The following TFR2 variants were observed in gnomAD, a reference collection of about 807,000 sequenced individuals.
TFR2 encodes transferrin receptor 2, also known as transferrin receptor protein 2.
TFR2 carries 64 observed loss-of-function variants against 91.9 expected under a neutral mutation model. The observed-to-expected ratio is 0.70, with a 90% CI of 0.57 to 0.86. TFR2 has a LOEUF of 0.86. TFR2 is among the 40% of genes least tolerant of loss of function. The pLI is 0.00. For synonymous variants in TFR2, 454 were observed against 459.6 expected (o/e 0.99, Z 0.15); for missense variants, 950 against 1,080.5 (o/e 0.88, Z 1.69).
chr7:100,636,170 C>CTTTTTTT (rs10584926), intron 3 of TFR2, among the ~76,000 whole-genome samples: 2 of 85,732 alleles, frequency 2.3e-5, no homozygotes, highest in Non-Finnish European at 4.3e-5. Context: ...CACCCTGCAT[C>CTTTTTTT]TTTTTTTTTT....
intron 10 of TFR2, among the ~76,000 whole-genome samples, chr7:100,628,600 C>T (rs1803335276): frequency 6.6e-6 from 1 of 151,932 alleles, no homozygotes; most frequent in Non-Finnish European, 1.5e-5. Context: ...TGCAGTCTCC[C>T]TATGTTGCCC....
Position 100,627,912 on chromosome 7 carries a change from T to G in TFR2, c.1600A>C (p.Lys534Gln), listed in dbSNP as rs1319743124. ...LLTSLIESVL[K>Q]QVDSPNHSGQ... ...TATTCCTGGGGTGCTCTTGCCTGCT[T>G]CAGGACACTCTCAATGAGACTTGTC... The change falls in exon 13 of 18, where the codon AAG (lysine) becomes CAG (glutamine). Residue 534 changes from lysine to glutamine, a missense_variant. Physicochemically the swap from Lys to Gln is moderately conservative, Grantham distance 53. Coordinates refer to ENST00000223051, the MANE Select transcript of TFR2 (RefSeq NM_003227.4). 3 of 1,613,954 alleles carry G rather than the reference T, an allele frequency of 1.9e-6. No homozygotes were observed. The highest frequency in any genetic ancestry group is 2.5e-6 in the Non-Finnish European group (3 of 1,179,994).
chr7:100,632,032 G>A, intron 7 of TFR2, 50 bp downstream of exon 7: 8 of 1,614,050 alleles, frequency 5.0e-6, no homozygotes, highest in Non-Finnish European at 6.8e-6. Context: ...TGAGCAAGAA[G>A]GTGTGGCCTC....
chr7:100,628,214 C>T lies in TFR2; in HGVS notation c.1473+10G>A, dbSNP rs374546301. On this transcript the variant is annotated intron_variant, in intron 11 of 17. Transcript: ENST00000223051. Reference sequence around the variant, plus strand: ...CAATGCCTAACGACCTGCCCGGGACCCCGTATCACCTCTAGCCACTCCGTG... The same window carrying T: ...CAATGCCTAACGACCTGCCCGGGACTCCGTATCACCTCTAGCCACTCCGTG... 5 of 1,613,696 alleles carry T rather than the reference C, an allele frequency of 3.1e-6. No individual in the cohort carries two copies. In the African/African-American group the frequency reaches 4.0e-5, roughly 13 times the overall value.
Position 100,629,419 on chromosome 7 carries a change from C to A in TFR2, c.1271-47G>T, listed in dbSNP as rs1325462454. ...CCCACTTCTGACACTGCACCCTGCA[C>A]CCTGGGGGCATCCTCCATCTGCCTG... On this transcript the variant is annotated intron_variant, in intron 9 of 17. Coordinates refer to ENST00000223051, the MANE Select transcript of TFR2 (RefSeq NM_003227.4). 2.5e-6 allele frequency: 4 copies of A among 1,611,238 alleles called. No individual in the cohort carries two copies. The East Asian group carries it at 6.7e-5, about 27-fold the overall frequency.
At chr7:100,634,489 A>C (rs978783909) in intron 3 of TFR2, among the ~76,000 whole-genome samples, 8 of 152,068 alleles carry the variant, frequency 5.3e-5, no homozygotes, top group African/African-American at 1.9e-4. Flanking sequence ...TCCTGGCCTC[A>C]AGCGATCCTC....
chr7:100,627,339 G>T lies in TFR2; in HGVS notation c.1920C>A (p.Pro640=). The stretch of plus-strand genomic sequence containing the variant: ...CGTCCCCGTAGCGGCCGAAGTCGAG[G>T]GGCAGCAGGCGATCGTGGCTGAGCC... The part of the protein sequence containing the change: ...LIRLSHDRLL[P]LDFGRYGDVV... The change falls in exon 16 of 18, where the codon CCC becomes CCA. Residue 640 remains proline (P), a synonymous_variant. Coordinates refer to ENST00000223051, the MANE Select transcript of TFR2 (RefSeq NM_003227.4). 1 of 1,551,310 alleles carries T rather than the reference G, an allele frequency of 6.4e-7. No individual in the cohort carries two copies. The highest frequency in any genetic ancestry group is 8.7e-7 in the Non-Finnish European group (1 of 1,147,268).
intron 10 of TFR2, 52 bp downstream of exon 10, chr7:100,629,201 C>A: frequency 6.2e-7 from 1 of 1,609,772 alleles, no homozygotes; most frequent in South Asian, 1.1e-5. Flanking sequence ...CCTCCTCGGG[C>A]CACAGGCCCA....
chr7:100,627,876 C>T (rs1174476639), intron 13 of TFR2, 31 bp downstream of exon 13: 1 of 1,614,090 alleles, frequency 6.2e-7, no homozygotes. Context: ...AACCTACTCC[C>T]CTTCACCCCC....
At chr7:100,632,837 C>T in intron 6 of TFR2, 164 bp downstream of exon 6, 1 of 1,133,396 alleles carries the variant, frequency 8.8e-7, no homozygotes, top group Non-Finnish European at 1.3e-6. Context: ...TCCTAAAGTG[C>T]TGGGATTGCA....
chr7:100,635,500 C>A (rs1803557779), intron 3 of TFR2, among the ~76,000 whole-genome samples: 1 of 151,202 alleles, frequency 6.6e-6, no homozygotes, highest in African/African-American at 2.4e-5. Context: ...AGCTGGAATG[C>A]AATGGCGCAA....
rs534173191 is a variant in TFR2 at position 100,632,062 on chromosome 7, A to C, written c.966+20T>G. The stretch of plus-strand genomic sequence containing the variant: ...GGCCTCGGGACCTGGGAACAGCACG[A>C]CCAGCCTCCCCAGACTCACATGTCC... On this transcript the variant is annotated intron_variant, in intron 7 of 17. Coordinates refer to ENST00000223051, the MANE Select transcript of TFR2 (RefSeq NM_003227.4). 2 of 1,614,006 alleles carry C rather than the reference A, an allele frequency of 1.2e-6. No homozygotes were observed. Among genetic ancestry groups the C allele is most frequent in the East Asian group, 2.2e-5 (1 of 44,870 alleles).
At chr7:100,627,852 C>A (rs1803311878) in intron 13 of TFR2, 32 bp from the exon 14 acceptor site, 5 of 1,614,106 alleles carry the variant, frequency 3.1e-6, no homozygotes, top group East Asian at 4.5e-5. Context: ...TGATCAGGCT[C>A]TGCTCCTCCC....
rs397890558 is a variant in TFR2, at chr7:100,633,698, C to CT, written c.474-143dup. On this transcript the variant is annotated intron_variant, in intron 3 of 17. Transcript: ENST00000223051. The stretch of plus-strand genomic sequence containing the variant: ...AGGAAAAGAGCGCTCCCCGCGGACG[C>CT]TTTTTTTTTTTTTTTTTTTTTTTTT... 1.7e-3 allele frequency: 374 copies of CT among 215,810 alleles called. 3 individuals carry two copies. Among genetic ancestry groups the CT allele is most frequent in the South Asian group, 6.0e-3 (103 of 17,170 alleles). The allele number at this position is 215,810 out of a possible 1,614,324, so 13.4% of individuals were successfully genotyped here.
intron 3 of TFR2, among the ~76,000 whole-genome samples, chr7:100,638,152 C>T (rs1432420019): frequency 1.3e-5 from 2 of 151,924 alleles, no homozygotes; most frequent in African/African-American, 2.4e-5. Context: ...TATAGGTGCC[C>T]GCCACCACGC....
Position 100,629,383 on chromosome 7 carries a change from G to T in TFR2, c.1271-11C>A. ...TGACAACGTAGTGATCTGGGGAGGG[G>T]ATGTTTGGGACCCACTTCTGACACT... On this transcript the variant is annotated splice_polypyrimidine_tract_variant and intron_variant, in intron 9 of 17. Transcript: ENST00000223051. The T allele has an allele frequency of 1.2e-6, 2 of 1,613,696 alleles. No homozygotes were observed. The highest frequency in any genetic ancestry group is 8.5e-7 in the Non-Finnish European group (1 of 1,179,746).
At chr7:100,632,224 T>C (rs1319071193) in intron 6 of TFR2, 26 bp from the exon 7 acceptor site, 11 of 1,605,774 alleles carry the variant, frequency 6.9e-6, no homozygotes, top group Non-Finnish European at 8.5e-6. Flanking sequence ...ACTAGAGGAC[T>C]CCTCCCAGAA....
At chr7:100,637,126 G>A (rs1479312789) in intron 3 of TFR2, among the ~76,000 whole-genome samples, 16 of 151,980 alleles carry the variant, frequency 1.1e-4, no homozygotes, top group Non-Finnish European at 2.1e-4. Flanking sequence ...ATTGCCGGGC[G>A]CAGTGGCTCA....
intron 10 of TFR2, among the ~76,000 whole-genome samples, 176 bp from the exon 11 acceptor site, chr7:100,628,482 C>G (rs1361762716): frequency 6.6e-6 from 1 of 152,160 alleles, no homozygotes; most frequent in Non-Finnish European, 1.5e-5. Flanking sequence ...TCAATGTAGC[C>G]TTGACCTCTC....
Sources: allele counts gnomAD v4.1 joint callset (sites outside exome capture counted in the v4.1 genomes callset), GRCh38; gene constraint gnomAD v4.1.1; transcripts MANE v1.5; gene names NCBI Gene and HGNC (gene_info 2026-07-23, HGNC 2026-07-21).